SH3GL1: variants seen among roughly 807,000 people sequenced by gnomAD.
The protein encoded by SH3GL1 is endophilin-A2.
A neutral mutation model predicts 48.8 loss-of-function variants in SH3GL1; 21 were observed. The observed-to-expected ratio is 0.43, with a 90% confidence interval of 0.30 to 0.62. The LOEUF (loss-of-function observed/expected upper bound fraction) is 0.62, where lower values mean the gene tolerates loss of function less well. SH3GL1 is among the 20% of genes least tolerant of loss of function. The pLI is 0.11. For synonymous variants in SH3GL1, 282 were observed against 217.5 expected (o/e 1.30, Z -2.61); for missense variants, 454 against 503.0 (o/e 0.90, Z 0.93).
At chr19:4,362,998 G>A (rs904863527) in intron 7 of SH3GL1, among the ~76,000 whole-genome samples, 4 of 152,120 alleles carry the variant, frequency 2.6e-5, no homozygotes, top group African/African-American at 9.7e-5. Flanking sequence ...AACACCCCCA[G>A]TCGCATCCCC....
chr19:4,362,710 T>G lies in SH3GL1; in HGVS notation c.755A>C (p.Lys252Thr), dbSNP rs200759611. The change falls in exon 8 of 10, where the codon AAG becomes ACG. Residue 252 changes from lysine (K) to threonine (T), a missense_variant. Transcript: ENST00000269886. ...RRMREASSRP[K>T]REYKPKPREP... ...CCGGGGCTTGGGCTTATACTCCCGC[T>G]TAGGGCGTGAGGAAGCTTCCCGCAT... The G allele has an allele frequency of 1.2e-6, 2 of 1,614,002 alleles. No individual in the cohort carries two copies. The highest frequency in any genetic ancestry group is 1.7e-6 in the Non-Finnish European group (2 of 1,180,006).
chr19:4,372,434 AG>A (rs1431550422), intron 1 of SH3GL1, among the ~76,000 whole-genome samples: 4 of 152,228 alleles, frequency 2.6e-5, no homozygotes, highest in Non-Finnish European at 5.9e-5. Context: ...GGGCAAAGCC[AG>A]GGTAAGGCCT....
At chr19:4,382,308 A>G (rs1329204167) in intron 1 of SH3GL1, among the ~76,000 whole-genome samples, 10 of 121,628 alleles carry the variant, frequency 8.2e-5, no homozygotes, top group African/African-American at 2.9e-4. Flanking sequence ...CCCAGGCTGG[A>G]GTGCAGTGGC....
chr19:4,369,206 C>T (rs1027114502), intron 1 of SH3GL1, among the ~76,000 whole-genome samples: 1 of 152,220 alleles, frequency 6.6e-6, no homozygotes, highest in Non-Finnish European at 1.5e-5. Flanking sequence ...CTGCTGAAGG[C>T]ATTAGGAGGA....
intron 1 of SH3GL1, among the ~76,000 whole-genome samples, chr19:4,381,851 C>T (rs930645488): frequency 6.6e-6 from 1 of 151,594 alleles, no homozygotes; most frequent in African/African-American, 2.4e-5. Flanking sequence ...CGCCGCCACG[C>T]CCCGCTAATT....
rs374565119 is a variant in SH3GL1, at chr19:4,364,995, T to C, written c.331+487A>G. Among the ~76,000 whole-genome samples the C allele has an allele frequency of 2.1e-4, 32 of 151,192 alleles. No individual in the cohort carries two copies. The South Asian group carries it at 5.2e-3, about 25-fold the overall frequency. The stretch of plus-strand genomic sequence containing the variant: ...GTCTCGAATTCCCGATCTCAGGTGA[T>C]CCACCTGCCTTGGCCTCCCAAAGTG... On this transcript the variant is annotated intron_variant, in intron 4 of 9. Coordinates refer to ENST00000269886, the MANE Select transcript of SH3GL1 (RefSeq NM_003025.4).
intron 1 of SH3GL1, among the ~76,000 whole-genome samples, chr19:4,373,325 C>T (rs995719378): frequency 1.3e-5 from 2 of 152,170 alleles, no homozygotes; most frequent in Admixed American, 6.5e-5. Flanking sequence ...TCCCGACAGC[C>T]GGGGCTCCCC....
intron 5 of SH3GL1, 66 bp from the exon 6 acceptor site, chr19:4,363,944 AC>A: frequency 6.2e-7 from 1 of 1,608,120 alleles, no homozygotes; most frequent in Non-Finnish European, 8.5e-7. Flanking sequence ...CATGGCTTTG[AC>A]CCACTGTCCC....
intron 1 of SH3GL1, among the ~76,000 whole-genome samples, chr19:4,382,168 C>T (rs912336389): frequency 3.3e-5 from 5 of 151,838 alleles, no homozygotes; most frequent in Non-Finnish European, 7.4e-5. Context: ...AGCTAGCAGG[C>T]GCTGGCCCCT....
At position 4,400,371 on chromosome 19, in the gene SH3GL1, TGCCGCCCGCCGCCGA is replaced by T. The variant is rs752530113; in HGVS notation, c.-18_-4del. The T allele has an allele frequency of 1.5e-5, 24 of 1,587,418 alleles. No homozygotes were observed. The highest frequency in any genetic ancestry group is 1.9e-5 in the Non-Finnish European group (22 of 1,171,380). ...TTCTTCAGCCCCGCCACCGACATGC[TGCCGCCCGCCGCCGA>T]GCCTCCCGCCCGGACCGCGCCAGCG... On this transcript the variant is annotated 5_prime_UTR_variant, in exon 1 of 10. Coordinates refer to ENST00000269886, the MANE Select transcript of SH3GL1 (RefSeq NM_003025.4). The surrounding 1 kb of genome is among the most constrained non-coding windows in gnomAD (Gnocchi z 4.1).
At chr19:4,366,314 G>A (rs926034600) in intron 3 of SH3GL1, among the ~76,000 whole-genome samples, 187 bp downstream of exon 3, 32 of 152,166 alleles carry the variant, frequency 2.1e-4, no homozygotes, top group African/African-American at 7.5e-4. Flanking sequence ...AGCCAACAGA[G>A]GGGCTGAGCT....
rs1414167426 is a variant in SH3GL1 at position 4,361,559 on chromosome 19, G to A, written c.*41C>T. On this transcript the variant is annotated 3_prime_UTR_variant, in exon 10 of 10. Transcript: ENST00000269886. ...TGCAGGAGACCCAGCAGGGGGTGCC[G>A]GCCAGTGTGGACGGAGGGGCGGGGC... 1.9e-5 allele frequency: 28 copies of A among 1,482,748 alleles called. No homozygotes were observed. The highest frequency in any genetic ancestry group is 2.4e-5 in the Non-Finnish European group (26 of 1,086,862). The allele number at this position is 1,482,748 out of a possible 1,614,324, so 91.8% of individuals were successfully genotyped here. A position where few individuals can be genotyped will look rare whatever the true frequency, so the allele number is the denominator to read the frequency against.
chr19:4,390,247 T>C (rs1374974772), intron 1 of SH3GL1: 1 of 152,138 alleles, frequency 6.6e-6, no homozygotes, highest in Non-Finnish European at 1.5e-5. Flanking sequence ...GACAGGGCCG[T>C]CCTCCCAGAG....
In SH3GL1 at chr19:4,362,695, G is replaced by A. The variant is rs781408393; in HGVS notation, c.770C>T (p.Pro257Leu). The A allele has an allele frequency of 2.8e-5, 45 of 1,613,948 alleles. No homozygotes were observed. The highest frequency in any genetic ancestry group is 3.3e-5 in the Non-Finnish European group (39 of 1,180,030). The stretch of plus-strand genomic sequence containing the variant: ...AAGGTCAAAGGGCTCCCGGGGCTTG[G>A]GCTTATACTCCCGCTTAGGGCGTGA... ...ASSRPKREYK[P>L]KPREPFDLGE... Residue 257 changes from proline to leucine, a missense_variant, in exon 8 of 10, where the codon CCC becomes CTC. Coordinates refer to ENST00000269886, the MANE Select transcript of SH3GL1 (RefSeq NM_003025.4).
At chr19:4,366,195 A>G (rs937159979) in intron 3 of SH3GL1, among the ~76,000 whole-genome samples, 5 of 152,302 alleles carry the variant, frequency 3.3e-5, no homozygotes, top group African/African-American at 1.2e-4. Flanking sequence ...CGGCCAATAC[A>G]AATGGATCCC....
intron 1 of SH3GL1, among the ~76,000 whole-genome samples, chr19:4,375,236 C>T (rs1295235476): frequency 6.6e-6 from 1 of 151,838 alleles, no homozygotes; most frequent in Non-Finnish European, 1.5e-5. Context: ...CTCCAGCCCC[C>T]ACCTGGCCCA....
chr19:4,377,140 C>T (rs1047820232), intron 1 of SH3GL1, among the ~76,000 whole-genome samples: 4 of 152,230 alleles, frequency 2.6e-5, no homozygotes, highest in South Asian at 2.1e-4. Flanking sequence ...AAGAACAAAA[C>T]GTGAGCTAGG....
intron 1 of SH3GL1, among the ~76,000 whole-genome samples, chr19:4,388,483 T>A (rs1359271514): frequency 6.6e-6 from 1 of 151,686 alleles, no homozygotes; most frequent in Non-Finnish European, 1.5e-5. Context: ...CAGGGAGAAG[T>A]GGGAGGAGCC....
At position 4,364,823 on chromosome 19, in the gene SH3GL1, C is replaced by T. The variant is rs538276888; in HGVS notation, c.332-602G>A. On this transcript the variant is annotated intron_variant, in intron 4 of 9. Transcript: ENST00000269886. ...AAGTGATTCTCCTGCCTCAGCCTCC[C>T]GAGTAGCTGGGGTTACAGGCATGCA... 3.0e-3 allele frequency among the ~76,000 whole-genome samples: 443 copies of T among 149,930 alleles called. 8 individuals are homozygous for T. The highest frequency in any genetic ancestry group is 0.01 in the African/African-American group (410 of 40,676).
Sources: gnomAD v4.1 joint callset for allele counts (sites outside exome capture counted in the v4.1 genomes callset) on GRCh38, gnomAD v4.1.1 for gene constraint, Gnocchi (gnomAD v3.1) non-coding constraint, MANE v1.5 for transcripts, NCBI Gene and HGNC (gene_info 2026-07-23, HGNC 2026-07-21) for gene names.